Variants in CDH13 observed in about 807,000 individuals in gnomAD.
CDH13 encodes cadherin-13.
Under a neutral mutation model 63.8 loss-of-function variants are expected in CDH13, and 24 were observed. The observed-to-expected ratio is 0.38, with a 90% CI of 0.27 to 0.53. The LOEUF is 0.53. CDH13 is among the 20% of genes least tolerant of loss of function. CDH13 has a pLI of 0.85. For missense variants in CDH13, 1,049 were observed against 903.1 expected (o/e 1.16, Z -2.07); for synonymous variants, 503 against 355.3 (o/e 1.42, Z -4.67).
At chr16:83,736,174 T>C (rs1187866181) in intron 10 of CDH13, among the ~76,000 whole-genome samples, 3 of 152,186 alleles carry the variant, frequency 2.0e-5, no homozygotes, top group Non-Finnish European at 4.4e-5. Context: ...ATAATGATAA[T>C]GAAAATTAAT....
At chr16:83,495,503 G>A (rs577166800) in intron 7 of CDH13, among the ~76,000 whole-genome samples, 1 of 152,146 alleles carries the variant, frequency 6.6e-6, no homozygotes, top group Non-Finnish European at 1.5e-5. Context: ...AAAGGTATCA[G>A]ACTCTTAGTT....
intron 6 of CDH13, among the ~76,000 whole-genome samples, chr16:83,476,721 C>T (rs1332698584): frequency 6.6e-6 from 1 of 152,092 alleles, no homozygotes; most frequent in African/African-American, 2.4e-5. Context: ...AAAACCACAC[C>T]GTGTCCTTTT....
intron 1 of CDH13, among the ~76,000 whole-genome samples, chr16:82,718,350 C>G (rs78335319): frequency 1.3e-3 from 196 of 152,204 alleles, no homozygotes; most frequent in Non-Finnish European, 2.3e-3. Context: ...CTGTAGGGCA[C>G]AGGTGAGTGA....
chr16:82,787,359 G>A (rs1236521732), intron 1 of CDH13, among the ~76,000 whole-genome samples: 1 of 152,124 alleles, frequency 6.6e-6, no homozygotes, highest in Non-Finnish European at 1.5e-5. Context: ...CAGCACATAT[G>A]TCCTGGGGGG....
chr16:83,584,734 G>T (rs1245580371), intron 7 of CDH13, among the ~76,000 whole-genome samples: 1 of 152,160 alleles, frequency 6.6e-6, no homozygotes, highest in Non-Finnish European at 1.5e-5. Context: ...ACCTGAGACT[G>T]GGTAATTTAT....
chr16:83,264,612 T>C (rs918393102), intron 5 of CDH13, among the ~76,000 whole-genome samples: 9 of 151,802 alleles, frequency 5.9e-5, no homozygotes, highest in African/African-American at 2.2e-4. Flanking sequence ...ACTAATGCAA[T>C]AACTTTTAAG....
chr16:82,667,213 C>G (rs1385950884), intron 1 of CDH13, among the ~76,000 whole-genome samples: 2 of 152,288 alleles, frequency 1.3e-5, no homozygotes, highest in South Asian at 2.1e-4. Flanking sequence ...GAGTCACTGA[C>G]TTAGCTGGGT....
chr16:82,756,067 T>C (rs1215771728), intron 1 of CDH13, among the ~76,000 whole-genome samples: 1 of 152,184 alleles, frequency 6.6e-6, no homozygotes, highest in Non-Finnish European at 1.5e-5. Flanking sequence ...AGTTTATGCA[T>C]CCACAAGATC....
chr16:82,795,748 C>T (rs1053127660), intron 1 of CDH13, among the ~76,000 whole-genome samples: 60 of 152,056 alleles, frequency 3.9e-4, no homozygotes, highest in Admixed American at 3.9e-3. Context: ...GGACGTCCAC[C>T]AGGAAGAAAA....
chr16:82,746,723 C>T (rs568932945), intron 1 of CDH13, among the ~76,000 whole-genome samples: 3 of 151,502 alleles, frequency 2.0e-5, no homozygotes, highest in East Asian at 3.9e-4. Context: ...GAAAAAATTC[C>T]CAAACTGATT....
chr16:83,670,799 A>T lies in CDH13; in HGVS notation c.1111A>T (p.Thr371Ser). The T allele has an allele frequency of 6.2e-7, 1 of 1,613,978 alleles. No homozygotes were observed. The highest frequency in any genetic ancestry group is 1.1e-5 in the South Asian group (1 of 91,072). The change falls in exon 9 of 14, where the codon ACA (threonine) becomes TCA (serine). Residue 371 changes from threonine to serine, a missense_variant. By Grantham distance (58) the Thr-to-Ser change is moderately conservative. Transcript: ENST00000567109. ...PKFTKKEFQA[T>S]VEEGAVGVIV... ...TCTGCTTTGTTTGCAGTTTCAAGCC[A>T]CAGTCGAGGAAGGAGCTGTGGGAGT...
chr16:83,233,455 G>A (rs1006904790), intron 5 of CDH13, among the ~76,000 whole-genome samples: 7 of 152,194 alleles, frequency 4.6e-5, no homozygotes, highest in African/African-American at 1.7e-4. Flanking sequence ...AGGCTTGGTG[G>A]CTTAAAACAA....
chr16:83,670,742 A>T (rs1348010513), intron 8 of CDH13, 48 bp from the exon 9 acceptor site: 1 of 1,542,468 alleles, frequency 6.5e-7, no homozygotes, highest in South Asian at 1.1e-5. Context: ...GTAGTAAATG[A>T]CTATGTGTTT....
At chr16:83,628,608 C>T (rs1192183310) in intron 8 of CDH13, among the ~76,000 whole-genome samples, 2 of 152,188 alleles carry the variant, frequency 1.3e-5, no homozygotes, top group African/African-American at 4.8e-5. Context: ...ACCACAAGCT[C>T]TTCCCAGTCT....
At chr16:82,740,415 T>C (rs942620088) in intron 1 of CDH13, among the ~76,000 whole-genome samples, 1 of 152,234 alleles carries the variant, frequency 6.6e-6, no homozygotes, top group African/African-American at 2.4e-5. Flanking sequence ...CCAACCCGCT[T>C]TCTTCAGAAG....
At chr16:83,362,139 G>C (rs1467046169) in intron 6 of CDH13, among the ~76,000 whole-genome samples, 1 of 152,118 alleles carries the variant, frequency 6.6e-6, no homozygotes, top group East Asian at 1.9e-4. Flanking sequence ...GTGTCTCCAA[G>C]ATGCTGTTTA....
At chr16:83,572,520 T>C (rs933014411) in intron 7 of CDH13, among the ~76,000 whole-genome samples, 6 of 152,176 alleles carry the variant, frequency 3.9e-5, no homozygotes, top group Non-Finnish European at 7.3e-5. Flanking sequence ...TGGATGGATA[T>C]ACTGTCAGTG....
At chr16:83,082,481 AAAAT>A (rs1258347498) in intron 3 of CDH13, among the ~76,000 whole-genome samples, 1 of 152,016 alleles carries the variant, frequency 6.6e-6, no homozygotes, top group Non-Finnish European at 1.5e-5. Flanking sequence ...AAATAAAAAA[AAAAT>A]AGCCAGGTGT....
chr16:83,261,006 A>G (rs1906922628), intron 5 of CDH13, among the ~76,000 whole-genome samples: 2 of 152,066 alleles, frequency 1.3e-5, no homozygotes, highest in Admixed American at 1.3e-4. Context: ...ATTGGACTGA[A>G]GCAGCATCCC....
Sources: gnomAD v4.1 joint callset for allele counts (sites outside exome capture counted in the v4.1 genomes callset) on GRCh38, gnomAD v4.1.1 for gene constraint, MANE v1.5 for transcripts, NCBI Gene and HGNC (gene_info 2026-07-23, HGNC 2026-07-21) for gene names.